The following GRM7 variants were observed in gnomAD, a reference collection of about 807,000 sequenced individuals.
The protein encoded by GRM7 is metabotropic glutamate receptor 7.
In GRM7, 35 loss-of-function variants were observed where a neutral mutation model predicts 84.5. The observed-to-expected ratio is 0.41, with a 90% CI of 0.32 to 0.55. GRM7 has a LOEUF of 0.55. GRM7 is among the 20% of genes least tolerant of loss of function. The probability of loss-of-function intolerance (pLI) is 0.19; values close to 1 mark genes in which losing one functional copy is unlikely to be tolerated. For synonymous variants in GRM7, 487 were observed against 455.1 expected (o/e 1.07, Z -0.89); for missense variants, 1,003 against 1,194.6 (o/e 0.84, Z 2.36).
At chr3:7,062,101 G>A (rs1048562628) in intron 1 of GRM7, among the ~76,000 whole-genome samples, 16 of 151,542 alleles carry the variant, frequency 1.1e-4, no homozygotes, top group South Asian at 2.1e-4. Flanking sequence ...AGCCCACTCC[G>A]CTAGAAACTG....
intron 7 of GRM7, among the ~76,000 whole-genome samples, chr3:7,499,142 G>A (rs1352207959): frequency 6.6e-6 from 1 of 152,184 alleles, no homozygotes; most frequent in Non-Finnish European, 1.5e-5. Flanking sequence ...GAACGGGGAT[G>A]CCTTGGATAT....
At chr3:7,714,943 G>GGTA (rs1239908096) in intron 9 of GRM7, among the ~76,000 whole-genome samples, 1 of 152,166 alleles carries the variant, frequency 6.6e-6, no homozygotes, top group Non-Finnish European at 1.5e-5. Context: ...TCACCCATCT[G>GGTA]GTAGCTTCTC....
chr3:7,633,640 T>C (rs1279191289), intron 8 of GRM7, among the ~76,000 whole-genome samples: 1 of 152,154 alleles, frequency 6.6e-6, no homozygotes, highest in Non-Finnish European at 1.5e-5. Context: ...CTGCAGCTTC[T>C]AATTCCAAGC....
chr3:7,632,226 T>G lies in GRM7; in HGVS notation c.2452-47823T>G, dbSNP rs190769454. On this transcript the variant is annotated intron_variant, in intron 8 of 9. Coordinates refer to ENST00000357716, the MANE Select transcript of GRM7 (RefSeq NM_000844.4). The stretch of plus-strand genomic sequence containing the variant: ...TATCTTGGGAAGGCACTGGACAATT[T>G]CAAGCAAGAAAGATACATGACTTGA... Among the ~76,000 whole-genome samples, 699 of 152,270 alleles carry G rather than the reference T, an allele frequency of 4.6e-3. 5 individuals carry two copies. Among genetic ancestry groups the G allele is most frequent in the Middle Eastern group, 0.014 (4 of 292 alleles).
intron 8 of GRM7, among the ~76,000 whole-genome samples, chr3:7,671,575 G>T (rs1699920511): frequency 1.3e-5 from 2 of 150,452 alleles, no homozygotes; most frequent in South Asian, 4.3e-4. Flanking sequence ...ACAAAACACA[G>T]TGAAACTAGG....
At chr3:7,125,736 C>A (rs1385989328) in intron 1 of GRM7, among the ~76,000 whole-genome samples, 2 of 152,222 alleles carry the variant, frequency 1.3e-5, no homozygotes, top group Non-Finnish European at 2.9e-5. Flanking sequence ...TCACATCACT[C>A]TATACCCATA....
At chr3:7,060,251 G>A (rs925610725) in intron 1 of GRM7, among the ~76,000 whole-genome samples, 3 of 151,756 alleles carry the variant, frequency 2.0e-5, no homozygotes, top group South Asian at 2.1e-4. Context: ...AGATCCTACC[G>A]ATCTTTGCAT....
At position 7,548,667 on chromosome 3, in the gene GRM7, A is replaced by G. The variant is rs76909104; in HGVS notation, c.1516-29755A>G. On this transcript the variant is annotated intron_variant, in intron 7 of 9. Coordinates refer to ENST00000357716, the MANE Select transcript of GRM7 (RefSeq NM_000844.4). ...AAAGATGTTTTTGGTTCTTCTTCCA[A>G]TTGTGATCCCCTAGGACTACCTCCC... is the stretch of plus-strand genomic sequence containing the variant. Among the ~76,000 whole-genome samples the G allele has an allele frequency of 5.8e-3, 888 of 152,290 alleles. 1 individual carries two copies. The highest frequency in any genetic ancestry group is 0.02 in the African/African-American group (835 of 41,566).
chr3:7,309,736 G>A, intron 4 of GRM7, among the ~76,000 whole-genome samples: 1 of 151,934 alleles, frequency 6.6e-6, no homozygotes. Context: ...CTCCATTTGT[G>A]GAAAAAGGGA....
chr3:7,398,694 G>A (rs1456566287), intron 4 of GRM7, among the ~76,000 whole-genome samples: 1 of 152,040 alleles, frequency 6.6e-6, no homozygotes, highest in Non-Finnish European at 1.5e-5. Flanking sequence ...GGGGATCAGT[G>A]CAAAAGAAAA....
At chr3:7,626,449 C>T (rs1418340632) in intron 8 of GRM7, among the ~76,000 whole-genome samples, 2 of 152,132 alleles carry the variant, frequency 1.3e-5, no homozygotes, top group Non-Finnish European at 2.9e-5. Context: ...ACCACAAAAC[C>T]GGGTGGCATA....
At position 6,889,973 on chromosome 3, in the gene GRM7, G is replaced by T. The variant is rs556783618; in HGVS notation, c.519+28066G>T. Among the ~76,000 whole-genome samples the T allele has an allele frequency of 1.7e-3, 258 of 152,284 alleles. 2 individuals carry two copies. Among genetic ancestry groups the T allele is most frequent in the African/African-American group, 5.7e-3 (238 of 41,558 alleles). On this transcript the variant is annotated intron_variant, in intron 1 of 9. Transcript: ENST00000357716. ...GGTTTAGTCTTGGGAGGGTGTACGT[G>T]TCGAGGAATTTATCCATTTCTTCTA... is the stretch of plus-strand genomic sequence containing the variant.
intron 4 of GRM7, among the ~76,000 whole-genome samples, chr3:7,379,850 C>A (rs1694513676): frequency 6.6e-6 from 1 of 152,160 alleles, no homozygotes; most frequent in Non-Finnish European, 1.5e-5. Context: ...AGTATTCCCA[C>A]AGAGGGTGAA....
At chr3:7,177,816 A>G (rs1695205226) in intron 2 of GRM7, among the ~76,000 whole-genome samples, 1 of 152,226 alleles carries the variant, frequency 6.6e-6, no homozygotes, top group South Asian at 2.1e-4. Context: ...CCTATAACTT[A>G]CTATTACTTA....
chr3:7,074,430 G>A (rs1697991824), intron 1 of GRM7, among the ~76,000 whole-genome samples: 1 of 152,146 alleles, frequency 6.6e-6, no homozygotes, highest in Admixed American at 6.5e-5. Context: ...AAGACGTGTG[G>A]TATAGAAGGG....
intron 1 of GRM7, among the ~76,000 whole-genome samples, chr3:6,965,001 T>G (rs938768972): frequency 1.3e-5 from 2 of 152,198 alleles, no homozygotes; most frequent in African/African-American, 2.4e-5. Flanking sequence ...GCCACCACTC[T>G]GGCCCAGATC....
intron 1 of GRM7, among the ~76,000 whole-genome samples, chr3:7,132,366 A>G (rs1436734825): frequency 1.3e-5 from 2 of 152,174 alleles, no homozygotes; most frequent in South Asian, 4.1e-4. Context: ...CTGGGTACCC[A>G]CAAGCATACG....
intron 7 of GRM7, among the ~76,000 whole-genome samples, chr3:7,573,998 A>C (rs544162117): frequency 6.6e-6 from 1 of 152,234 alleles, no homozygotes; most frequent in African/African-American, 2.4e-5. Flanking sequence ...TCACGCTCAA[A>C]ATTCCAGGGT....
Position 7,680,088 on chromosome 3 carries a change from C to A in GRM7, c.2491C>A (p.Leu831Ile), listed in dbSNP as rs1466538344. The change falls in exon 9 of 10, where the codon CTA (leucine) becomes ATA (isoleucine). Residue 831 changes from leucine to isoleucine, a missense_variant. By Grantham distance (5) the Leu-to-Ile change is conservative. Transcript: ENST00000357716. The stretch of plus-strand genomic sequence containing the variant: ...TACCACGCTTACAATCTCCATGAAC[C>A]TAAGTGCATCAGTGGCGCTGGGGAT... ...QTTTLTISMN[L>I]SASVALGMLY... is the part of the protein sequence containing the mutation. 2 of 1,613,726 alleles carry A rather than the reference C, an allele frequency of 1.2e-6. No homozygotes were observed. The highest frequency in any genetic ancestry group is 2.7e-5 in the African/African-American group (2 of 74,916).
Sources: allele counts gnomAD v4.1 joint callset (sites outside exome capture counted in the v4.1 genomes callset), GRCh38; gene constraint gnomAD v4.1.1; transcripts MANE v1.5; gene names NCBI Gene and HGNC (gene_info 2026-07-23, HGNC 2026-07-21).